USP49: variants seen among roughly 807,000 people sequenced by gnomAD.
USP49 encodes ubiquitin specific peptidase 49.
In USP49, 24 loss-of-function variants were observed where a neutral mutation model predicts 58.6. That is an observed-to-expected ratio of 0.41 (90% confidence interval 0.30 to 0.58). The LOEUF (loss-of-function observed/expected upper bound fraction) is 0.58. Among genes scored for constraint, USP49 ranks in the 20% least tolerant of loss-of-function variants. USP49 has a pLI of 0.30. For synonymous variants in USP49, 408 were observed against 365.1 expected, an observed-to-expected ratio of 1.12 and a Z score of -1.34; for missense variants, 703 against 866.1, an observed-to-expected ratio of 0.81 and a Z score of 2.36.
intron 2 of USP49, among the ~76,000 whole-genome samples, chr6:41,891,261 T>G (rs538151506): frequency 6.6e-6 from 1 of 152,224 alleles, no homozygotes. Flanking sequence ...TCCCACCACT[T>G]GGTAGAATTC....
At chr6:41,821,672 G>T (rs1457482800) in intron 3 of USP49, among the ~76,000 whole-genome samples, 1 of 152,112 alleles carries the variant, frequency 6.6e-6, no homozygotes, top group Admixed American at 6.5e-5. Context: ...TACTCTGGAG[G>T]CTGAGGCAGG....
At chr6:41,850,274 C>A (rs971486313) in intron 3 of USP49, among the ~76,000 whole-genome samples, 1 of 151,790 alleles carries the variant, frequency 6.6e-6, no homozygotes, top group African/African-American at 2.4e-5. Flanking sequence ...GAAACCCCAT[C>A]TCTACTAAAA....
intron 3 of USP49, among the ~76,000 whole-genome samples, chr6:41,850,091 G>A (rs1013318436): frequency 6.6e-6 from 1 of 152,086 alleles, no homozygotes; most frequent in African/African-American, 2.4e-5. Context: ...CAAAACATAT[G>A]GGATACAGGA....
At chr6:41,800,866 C>T (rs766585709) in intron 5 of USP49, among the ~76,000 whole-genome samples, 6 of 152,284 alleles carry the variant, frequency 3.9e-5, no homozygotes, top group Admixed American at 1.3e-4. Flanking sequence ...TTATGCTGTG[C>T]GTAGTTTTTG....
At chr6:41,824,665 C>T (rs993786479) in intron 3 of USP49, among the ~76,000 whole-genome samples, 2 of 152,136 alleles carry the variant, frequency 1.3e-5, no homozygotes, top group Non-Finnish European at 2.9e-5. Context: ...GAGATCGCGC[C>T]ATTGCACTCC....
intron 2 of USP49, among the ~76,000 whole-genome samples, chr6:41,878,877 AG>A (rs1404973461): frequency 6.6e-6 from 1 of 152,216 alleles, no homozygotes; most frequent in Admixed American, 6.5e-5. Flanking sequence ...CAATTTCATT[AG>A]GAAATGACCC....
intron 2 of USP49, among the ~76,000 whole-genome samples, chr6:41,891,575 G>C (rs973384485): frequency 6.6e-6 from 1 of 152,078 alleles, no homozygotes; most frequent in East Asian, 1.9e-4. Context: ...GAAGAACTAA[G>C]GTCTTATAAA....
At chr6:41,858,685 A>G (rs560917593) in intron 3 of USP49, among the ~76,000 whole-genome samples, 43 of 151,902 alleles carry the variant, frequency 2.8e-4, no homozygotes, top group South Asian at 2.3e-3. Context: ...CTTCCCTCAG[A>G]TATCTACATG....
Position 41,806,764 on chromosome 6 carries a change from C to T in USP49, c.220G>A (p.Val74Met), listed in dbSNP as rs1314267266. ...TAGTCCTTGCACAGGTAACAGAACA[C>T]GTAGAGATCCCGGACTTCCATGGCT... ...PLAMEVRDLYVFCYLCKDYVL... is the reference protein window; with the variant it reads ...PLAMEVRDLYMFCYLCKDYVL... Residue 74 changes from valine to methionine, a missense_variant, in exon 4 of 8, where the codon GTG (valine) becomes ATG (methionine). Val to Met is a conservative substitution (Grantham distance 21). Around this residue, in one of 6 missense-constraint regions of USP49, gnomAD observed 376 missense variants for 373.5 expected, o/e 1.01. Transcript: ENST00000682992. This position sits in a 1 kb window ranked among gnomAD's most constrained non-coding sequence, Gnocchi z 5.9. The T allele has an allele frequency of 1.9e-6, 3 of 1,614,194 alleles. No individual in the cohort carries two copies. Among genetic ancestry groups the T allele is most frequent in the Non-Finnish European group, 1.7e-6 (2 of 1,180,006 alleles).
chr6:41,801,375 G>A (rs1008841735), intron 5 of USP49, among the ~76,000 whole-genome samples: 2 of 152,184 alleles, frequency 1.3e-5, no homozygotes, highest in African/African-American at 2.4e-5. Flanking sequence ...GCCAGATGAT[G>A]TATCACAGAG....
At chr6:41,865,518 A>C (rs1221330699) in intron 3 of USP49, among the ~76,000 whole-genome samples, 1 of 151,818 alleles carries the variant, frequency 6.6e-6, no homozygotes, top group Non-Finnish European at 1.5e-5. Flanking sequence ...ATTCATTTTT[A>C]TTTTTGGAGA....
chr6:41,894,674 T>G (rs1774866396), intron 1 of USP49, among the ~76,000 whole-genome samples: 1 of 149,106 alleles, frequency 6.7e-6, no homozygotes, highest in South Asian at 2.1e-4. Flanking sequence ...CCGGTACCCC[T>G]CACCCCAACA....
chr6:41,867,585 T>TAAA (rs1774341208), intron 3 of USP49, among the ~76,000 whole-genome samples: 1 of 39,936 alleles, frequency 2.5e-5, no homozygotes, highest in Non-Finnish European at 5.8e-5. Flanking sequence ...CTACTAAAAA[T>TAAA]ACAAAAAAAA....
chr6:41,809,661 C>T (rs536296986), intron 3 of USP49, among the ~76,000 whole-genome samples: 1 of 151,314 alleles, frequency 6.6e-6, no homozygotes, highest in African/African-American at 2.4e-5. Context: ...CCCAACTCTA[C>T]TAAAAATACA....
intron 3 of USP49, among the ~76,000 whole-genome samples, chr6:41,851,967 AAAAAAAAAAG>A (rs1371639181): frequency 6.6e-6 from 1 of 150,632 alleles, no homozygotes; most frequent in Non-Finnish European, 1.5e-5. Flanking sequence ...AAAAAAAAAA[AAAAAAAAAAG>A]AAAGAAAAGA....
Position 41,790,572 on chromosome 6 carries a change from A to T in USP49, c.*5961T>A, listed in dbSNP as rs1200882615. 6.6e-6 allele frequency: 1 copy of T among 152,192 alleles called. No homozygotes were observed. The highest frequency in any genetic ancestry group is 1.5e-5 in the Non-Finnish European group (1 of 68,028). The allele number at this position is 152,192 out of a possible 1,614,324, so 9.4% of individuals were successfully genotyped here. On this transcript the variant is annotated 3_prime_UTR_variant, in exon 8 of 8. Coordinates refer to ENST00000682992, the MANE Select transcript of USP49 (RefSeq NM_001286554.2). Reference sequence around the variant, plus strand: ...TCTCTTATGGAACTAGTATGGGATTAAAGGACGTTAATTGGAAAGGAGGGT... The same window carrying T: ...TCTCTTATGGAACTAGTATGGGATTTAAGGACGTTAATTGGAAAGGAGGGT...
Position 41,792,330 on chromosome 6 carries a change from A to G in USP49, c.*4203T>C, listed in dbSNP as rs962829587. 5 of 152,212 alleles carry G rather than the reference A, an allele frequency of 3.3e-5. No individual in the cohort carries two copies. Among genetic ancestry groups the G allele is most frequent in the African/African-American group, 9.7e-5 (4 of 41,426 alleles). 9.4% of individuals were successfully genotyped at this position (152,212 alleles called of 1,614,324 possible). On this transcript the variant is annotated 3_prime_UTR_variant, in exon 8 of 8. Coordinates refer to ENST00000682992, the MANE Select transcript of USP49 (RefSeq NM_001286554.2). ...TTTTTTGCAAAAGAACATCAGAACC[A>G]ATGAAGGTACCATTTCAGGAGGAAT... is the stretch of plus-strand genomic sequence containing the variant.
intron 6 of USP49, among the ~76,000 whole-genome samples, chr6:41,799,353 T>C (rs1283235134): frequency 6.6e-6 from 1 of 152,098 alleles, no homozygotes; most frequent in African/African-American, 2.4e-5. Context: ...GCAATCTGCC[T>C]ACCTTGGCCT....
intron 3 of USP49, among the ~76,000 whole-genome samples, chr6:41,869,077 A>G (rs62396757): frequency 0.17 from 24,005 of 145,072 alleles, 2,038 homozygotes; most frequent in East Asian, 0.26. Flanking sequence ...TTCTGTTCTT[A>G]GTCTTTTTTT....
Sources: gnomAD v4.1 joint callset for allele counts (sites outside exome capture counted in the v4.1 genomes callset) on GRCh38, gnomAD v4.1.1 for gene constraint, gnomAD v4.1.1 regional missense constraint, Gnocchi (gnomAD v3.1) non-coding constraint, MANE v1.5 for transcripts, NCBI Gene and HGNC (gene_info 2026-07-23, HGNC 2026-07-21) for gene names.